TECPR2: variants seen among roughly 807,000 people sequenced by gnomAD.
TECPR2 encodes the protein tectonin beta-propeller repeat-containing protein 2.
In TECPR2, 65 loss-of-function variants were observed where a neutral mutation model predicts 138.1. The observed-to-expected ratio is 0.47, with a 90% CI of 0.39 to 0.58. The LOEUF (loss-of-function observed/expected upper bound fraction) is 0.58, where lower values mean the gene tolerates loss of function less well. Among genes scored for constraint, TECPR2 ranks in the 20% least tolerant of loss-of-function variants. The probability of loss-of-function intolerance (pLI) is 0.00; values close to 1 mark genes in which losing one functional copy is unlikely to be tolerated. For missense variants in TECPR2, 1,553 were observed against 1,824.5 expected, an observed-to-expected ratio of 0.85 and a Z score of 2.71; for synonymous variants, 746 against 749.8, an observed-to-expected ratio of 0.99 and a Z score of 0.08.
Position 102,420,787 on chromosome 14 carries a change from G to A in TECPR2, c.639-4192G>A, listed in dbSNP as rs763776657. Among the ~76,000 whole-genome samples, 1 of 152,110 alleles carries A rather than the reference G, an allele frequency of 6.6e-6. No individual in the cohort carries two copies. The highest frequency in any genetic ancestry group is 1.5e-5 in the Non-Finnish European group (1 of 68,014). ...TGCCCAGCTATTCAGCAGTTTTAGA[G>A]GCAGCCACTCCCAGGACCTTGCTCA... On this transcript the variant is annotated intron_variant, in intron 5 of 19. Coordinates refer to ENST00000359520, the MANE Select transcript of TECPR2 (RefSeq NM_014844.5). This position sits in a 1 kb window ranked among gnomAD's most constrained non-coding sequence, Gnocchi z 4.1.
chr14:102,381,201 TC>T (rs1228356446), intron 2 of TECPR2, among the ~76,000 whole-genome samples: 1 of 152,160 alleles, frequency 6.6e-6, no homozygotes, highest in African/African-American at 2.4e-5. Flanking sequence ...TGTCAGGTGA[TC>T]CACTCGCTTC....
chr14:102,487,159 A>C (rs1179270783), intron 17 of TECPR2, among the ~76,000 whole-genome samples: 2 of 152,234 alleles, frequency 1.3e-5, no homozygotes, highest in African/African-American at 4.8e-5. Context: ...GGCAGTGTGG[A>C]AAGCACAAAT....
chr14:102,475,459 CAG>C (rs1890738528), intron 17 of TECPR2, among the ~76,000 whole-genome samples: 1 of 152,036 alleles, frequency 6.6e-6, no homozygotes, highest in African/African-American at 2.4e-5. Flanking sequence ...TGTGACCAGT[CAG>C]AGGGTCTTCT....
chr14:102,432,204 GA>G, intron 8 of TECPR2, 76 bp downstream of exon 8: 1 of 1,315,052 alleles, frequency 7.6e-7, no homozygotes, highest in East Asian at 2.5e-5. Context: ...GCTGCTCACT[GA>G]GTGAGCAATG....
intron 6 of TECPR2, 105 bp from the exon 7 acceptor site, chr14:102,428,145 T>A: frequency 7.3e-7 from 1 of 1,365,886 alleles, no homozygotes; most frequent in South Asian, 1.6e-5. Context: ...AGTGCAGTTA[T>A]CATTTGACTG....
chr14:102,491,808 G>A (rs1402402810), intron 17 of TECPR2, among the ~76,000 whole-genome samples: 1 of 152,198 alleles, frequency 6.6e-6, no homozygotes, highest in Non-Finnish European at 1.5e-5. Context: ...TGGTTTGTCC[G>A]GGTTGTGCCC....
At chr14:102,421,639 C>T (rs942774918) in intron 5 of TECPR2, among the ~76,000 whole-genome samples, 1 of 152,180 alleles carries the variant, frequency 6.6e-6, no homozygotes, top group Non-Finnish European at 1.5e-5. Context: ...GGCACGGAGG[C>T]AGCTCTCAAC....
At chr14:102,472,964 G>A (rs557548889) in intron 17 of TECPR2, among the ~76,000 whole-genome samples, 3 of 152,380 alleles carry the variant, frequency 2.0e-5, no homozygotes, top group East Asian at 1.9e-4. Context: ...GCTGCCAGGC[G>A]CTCGCCTTGT....
chr14:102,473,306 C>A (rs561991638), intron 17 of TECPR2, among the ~76,000 whole-genome samples: 1 of 152,206 alleles, frequency 6.6e-6, no homozygotes, highest in African/African-American at 2.4e-5. Flanking sequence ...ATCTTTAAAT[C>A]GCAGAGGGTC....
intron 17 of TECPR2, among the ~76,000 whole-genome samples, chr14:102,477,874 G>A (rs1279365914): frequency 7.3e-5 from 10 of 136,808 alleles, no homozygotes; most frequent in African/African-American, 2.8e-4. Context: ...GGCGGAACTT[G>A]CAGTGAGCCG....
rs527983486 is a variant in TECPR2 at position 102,393,159 on chromosome 14, G to A, written c.220-14179G>A. Among the ~76,000 whole-genome samples the A allele has an allele frequency of 4.6e-5, 7 of 152,256 alleles. No individual in the cohort carries two copies. In the South Asian group the frequency reaches 1.4e-3, roughly 32 times the overall value. ...GCCTGTAGCTTCAGGGCTAGCTTCT[G>A]TTTTAGTTTGGGGGCATTCTTCTTG... On this transcript the variant is annotated intron_variant, in intron 2 of 19. Coordinates refer to ENST00000359520, the MANE Select transcript of TECPR2 (RefSeq NM_014844.5).
intron 9 of TECPR2, among the ~76,000 whole-genome samples, chr14:102,435,655 C>G (rs903904197): frequency 6.6e-6 from 1 of 152,180 alleles, no homozygotes; most frequent in Non-Finnish European, 1.5e-5. Context: ...TCCAAGGAAC[C>G]ATCTGCAAGA....
chr14:102,450,663 A>G lies in TECPR2; in HGVS notation c.3406+14A>G, dbSNP rs2139752577. 6.2e-7 allele frequency: 1 copy of G among 1,613,402 alleles called. No individual in the cohort carries two copies. The highest frequency in any genetic ancestry group is 1.7e-4 in the Middle Eastern group (1 of 6,058). On this transcript the variant is annotated intron_variant, in intron 15 of 19. Transcript: ENST00000359520. ...CCACGAAGGAAGGTGGGTCAGTCTTAGCCTCACTGAAGAATCTAGAGCACA... is the reference window on the plus strand; with the variant it reads ...CCACGAAGGAAGGTGGGTCAGTCTTGGCCTCACTGAAGAATCTAGAGCACA...
At position 102,431,787 on chromosome 14, in the gene TECPR2, C is replaced by A. The variant is rs368765168; in HGVS notation, c.1085-9C>A. 6.5e-7 allele frequency: 1 copy of A among 1,537,614 alleles called. No individual in the cohort carries two copies. The highest frequency in any genetic ancestry group is 8.8e-7 in the Non-Finnish European group (1 of 1,138,454). On this transcript the variant is annotated splice_polypyrimidine_tract_variant and intron_variant, in intron 7 of 19. Coordinates refer to ENST00000359520, the MANE Select transcript of TECPR2 (RefSeq NM_014844.5). ...TCACCAGTGGTAAAACCAGACTCTT[C>A]TTTCTTAGTGAGAGATGGTCTGGAG...
intron 17 of TECPR2, among the ~76,000 whole-genome samples, chr14:102,477,525 T>A (rs1418864530): frequency 6.6e-6 from 1 of 150,436 alleles, no homozygotes; most frequent in East Asian, 2.0e-4. Context: ...CATTTCATTG[T>A]ATGTCAGCAT....
chr14:102,482,961 A>G lies in TECPR2; in HGVS notation c.3790-14018A>G, dbSNP rs1489792491. On this transcript the variant is annotated intron_variant, in intron 17 of 19. Transcript: ENST00000359520. ...CAGGTTCACGCCATTCTCCTGCCTC[A>G]GCCTCCCGAGTAGCTGGGACTACAG... is the stretch of plus-strand genomic sequence containing the variant. Among the ~76,000 whole-genome samples the G allele has an allele frequency of 7.5e-5, 11 of 146,538 alleles. No individual in the cohort carries two copies. The Admixed American group carries it at 7.8e-4, about 10-fold the overall frequency.
At chr14:102,403,644 A>G (rs1401743267) in intron 2 of TECPR2, among the ~76,000 whole-genome samples, 1 of 152,222 alleles carries the variant, frequency 6.6e-6, no homozygotes, top group African/African-American at 2.4e-5. Flanking sequence ...TCCACAAAAA[A>G]TTGTTTGAAC....
chr14:102,466,231 C>G (rs1273584044), intron 17 of TECPR2, among the ~76,000 whole-genome samples: 3 of 152,216 alleles, frequency 2.0e-5, no homozygotes, highest in East Asian at 3.9e-4. Context: ...GCATTCGGCT[C>G]CAGAGCTCTG....
At chr14:102,382,589 A>T (rs949865201) in intron 2 of TECPR2, among the ~76,000 whole-genome samples, 2 of 152,222 alleles carry the variant, frequency 1.3e-5, no homozygotes, top group African/African-American at 4.8e-5. Context: ...TAGAACACTC[A>T]GCTGAATATA....
Sources: allele counts gnomAD v4.1 joint callset (sites outside exome capture counted in the v4.1 genomes callset), GRCh38; gene constraint gnomAD v4.1.1; non-coding constraint Gnocchi (gnomAD v3.1); transcripts MANE v1.5; gene names NCBI Gene and HGNC (gene_info 2026-07-23, HGNC 2026-07-21).